Variants in WNT7A observed in about 807,000 individuals in gnomAD.
WNT7A encodes Wnt family member 7A.
Under a neutral mutation model 28.2 loss-of-function variants are expected in WNT7A, and 16 were observed. That is an observed-to-expected ratio of 0.57 (90% CI 0.38 to 0.86). The LOEUF is 0.86. Among genes scored for constraint, WNT7A ranks in the 40% least tolerant of loss-of-function variants. WNT7A has a pLI of 0.00. For synonymous variants in WNT7A, 190 were observed against 195.9 expected, an observed-to-expected ratio of 0.97 and a Z score of 0.25; for missense variants, 411 against 489.7, an observed-to-expected ratio of 0.84 and a Z score of 1.52.
At chr3:13,843,298 C>T (rs931815034) in intron 3 of WNT7A, among the ~76,000 whole-genome samples, 3 of 152,190 alleles carry the variant, frequency 2.0e-5, no homozygotes, top group Non-Finnish European at 4.4e-5. Flanking sequence ...AAGCACTCAT[C>T]ATGCCTGAGA....
At chr3:13,865,660 T>C (rs6442417) in intron 2 of WNT7A, among the ~76,000 whole-genome samples, 112,758 of 152,040 alleles carry the variant, frequency 0.74, 42,239 homozygotes, top group East Asian at 1. Flanking sequence ...ACCCGTCATT[T>C]GGAAGATAAA....
At chr3:13,838,262 G>C (rs556795955) in intron 3 of WNT7A, among the ~76,000 whole-genome samples, 31 of 152,316 alleles carry the variant, frequency 2.0e-4, no homozygotes, top group Middle Eastern at 3.4e-3. Flanking sequence ...TCTCTCAGCT[G>C]TGCGGCTTCG....
chr3:13,849,452 T>G (rs1694593781), intron 3 of WNT7A, among the ~76,000 whole-genome samples: 1 of 152,216 alleles, frequency 6.6e-6, no homozygotes, highest in Non-Finnish European at 1.5e-5. Flanking sequence ...GCCCTGCTCC[T>G]GGAAATCCCC....
At chr3:13,872,608 C>T (rs1575075675) in intron 2 of WNT7A, among the ~76,000 whole-genome samples, 2 of 152,206 alleles carry the variant, frequency 1.3e-5, no homozygotes, top group South Asian at 4.1e-4. Flanking sequence ...CCCCCAGCCA[C>T]CTCTGCCTGC....
intron 3 of WNT7A, among the ~76,000 whole-genome samples, chr3:13,851,487 C>T (rs1384931243): frequency 6.6e-6 from 1 of 152,204 alleles, no homozygotes; most frequent in Non-Finnish European, 1.5e-5. Flanking sequence ...TAAGAGTTCC[C>T]TTCTTCTGCC....
intron 2 of WNT7A, among the ~76,000 whole-genome samples, chr3:13,868,694 A>G (rs868498123): frequency 7.5e-4 from 14 of 18,620 alleles, no homozygotes; most frequent in African/African-American, 1.4e-3. Context: ...GAGAGAGAGA[A>G]AGAAAGAAAG....
At chr3:13,826,312 A>T (rs1369672947) in intron 3 of WNT7A, among the ~76,000 whole-genome samples, 1 of 152,174 alleles carries the variant, frequency 6.6e-6, no homozygotes, top group Non-Finnish European at 1.5e-5. Flanking sequence ...AAGTGCTATG[A>T]AGGAGTGAAA....
At chr3:13,835,913 T>C (rs1258566754) in intron 3 of WNT7A, among the ~76,000 whole-genome samples, 5 of 152,182 alleles carry the variant, frequency 3.3e-5, no homozygotes, top group Admixed American at 3.3e-4. Flanking sequence ...GAGTGAAAGA[T>C]GCTGGACACA....
intron 3 of WNT7A, among the ~76,000 whole-genome samples, chr3:13,844,935 G>T (rs1205177293): frequency 6.6e-6 from 1 of 152,072 alleles, no homozygotes; most frequent in Non-Finnish European, 1.5e-5. Flanking sequence ...CGGCAGATTT[G>T]ATAACACCCA....
chr3:13,852,777 C>A (rs1184793759), intron 3 of WNT7A, among the ~76,000 whole-genome samples: 1 of 152,166 alleles, frequency 6.6e-6, no homozygotes, highest in African/African-American at 2.4e-5. Context: ...CATTTCCATC[C>A]CTGTAGCACA....
chr3:13,864,384 A>C (rs1694879015), intron 2 of WNT7A, among the ~76,000 whole-genome samples: 1 of 151,740 alleles, frequency 6.6e-6, no homozygotes, highest in Admixed American at 6.6e-5. Flanking sequence ...GTGCCAAGCC[A>C]CTCTGGATCC....
chr3:13,879,935 C>G lies in WNT7A; in HGVS notation c.-119G>C, dbSNP rs1038716474. On this transcript the variant is annotated 5_prime_UTR_variant, in exon 1 of 4. Coordinates refer to ENST00000285018, the MANE Select transcript of WNT7A (RefSeq NM_004625.4). The stretch of plus-strand genomic sequence containing the variant: ...CGAGCCGAGGCGTCCCCGGGGCCGT[C>G]TGTCGGTGCGCCCGTCCGCGCGCTC... The G allele has an allele frequency of 1.6e-5, 12 of 745,928 alleles. No homozygotes were observed. The highest frequency in any genetic ancestry group is 2.3e-5 in the Non-Finnish European group (12 of 529,878). 46.2% of individuals were successfully genotyped at this position (745,928 alleles called of 1,614,324 possible).
intron 3 of WNT7A, among the ~76,000 whole-genome samples, chr3:13,840,858 G>C (rs1694446311): frequency 6.6e-6 from 1 of 151,910 alleles, no homozygotes; most frequent in Non-Finnish European, 1.5e-5. Context: ...CTACCACTCA[G>C]CCATGCACTC....
chr3:13,849,544 T>C (rs1694595325), intron 3 of WNT7A, among the ~76,000 whole-genome samples: 1 of 152,178 alleles, frequency 6.6e-6, no homozygotes, highest in Non-Finnish European at 1.5e-5. Context: ...CAGGCACTGT[T>C]CTAGGTTTAG....
At chr3:13,878,538 C>T (rs1236109469) in intron 1 of WNT7A, among the ~76,000 whole-genome samples, 1 of 152,194 alleles carries the variant, frequency 6.6e-6, no homozygotes, top group African/African-American at 2.4e-5. Context: ...GGGCTGGCGG[C>T]CCCTGGTCGG....
chr3:13,844,511 G>A (rs548574277), intron 3 of WNT7A, among the ~76,000 whole-genome samples: 3 of 152,274 alleles, frequency 2.0e-5, no homozygotes, highest in South Asian at 2.1e-4. Flanking sequence ...TGCTGCTCAC[G>A]TTCACTGCCC....
intron 3 of WNT7A, among the ~76,000 whole-genome samples, chr3:13,831,002 G>A (rs1694273167): frequency 6.6e-6 from 1 of 152,184 alleles, no homozygotes; most frequent in Admixed American, 6.5e-5. Context: ...GACCGAAGGT[G>A]GAGTTCCAGG....
intron 3 of WNT7A, among the ~76,000 whole-genome samples, chr3:13,834,963 A>G (rs957789619): frequency 2.0e-5 from 3 of 152,256 alleles, no homozygotes; most frequent in Admixed American, 1.3e-4. Flanking sequence ...TTGCAAATGA[A>G]TGACTGAGAG....
rs35103037 is a variant in WNT7A at position 13,875,170 on chromosome 3, G to C, written c.75C>G (p.Gly25=). The change falls in exon 2 of 4, where the codon GGC becomes GGG. Residue 25 remains glycine, a synonymous_variant. Coordinates refer to ENST00000285018, the MANE Select transcript of WNT7A (RefSeq NM_004625.4). ...CGCCCAGAGCTACCACTGAGGAGAA[G>C]CCACTGGAGGGAGAGACACAGAGAG... ...SLGMVYLRIG[G]FSSVVALGAS... 5 of 1,614,064 alleles carry C rather than the reference G, an allele frequency of 3.1e-6. No individual in the cohort carries two copies. The South Asian group carries it at 5.5e-5, about 18-fold the overall frequency.
Sources: allele counts gnomAD v4.1 joint callset (sites outside exome capture counted in the v4.1 genomes callset), GRCh38; gene constraint gnomAD v4.1.1; transcripts MANE v1.5; gene names NCBI Gene and HGNC (gene_info 2026-07-23, HGNC 2026-07-21).